Variants in WDR35 observed in about 807,000 individuals in gnomAD.
WDR35 encodes WD repeat domain 35.
A neutral mutation model predicts 158.3 loss-of-function variants in WDR35; 118 were observed. The observed-to-expected ratio is 0.75, with a 90% CI of 0.64 to 0.87. The LOEUF (loss-of-function observed/expected upper bound fraction) is 0.87, where lower values mean the gene tolerates loss of function less well. Among genes scored for constraint, WDR35 ranks in the 40% least tolerant of loss-of-function variants. The probability of loss-of-function intolerance (pLI) is 0.00; values close to 1 mark genes in which losing one functional copy is unlikely to be tolerated. For missense variants in WDR35, 1,263 were observed against 1,405.8 expected, an observed-to-expected ratio of 0.90 and a Z score of 1.62; for synonymous variants, 448 against 476.1, an observed-to-expected ratio of 0.94 and a Z score of 0.77.
At chr2:19,919,468 C>T (rs904258257) in intron 25 of WDR35, among the ~76,000 whole-genome samples, 2 of 151,302 alleles carry the variant, frequency 1.3e-5, no homozygotes, top group African/African-American at 4.9e-5. Flanking sequence ...ACTGAACAAC[C>T]TTCTCCTGAA....
chr2:19,948,705 A>G (rs752020507), intron 13 of WDR35, among the ~76,000 whole-genome samples: 5 of 152,226 alleles, frequency 3.3e-5, no homozygotes, highest in Non-Finnish European at 7.3e-5. Flanking sequence ...GACATACTAT[A>G]TGATTCTATC....
intron 10 of WDR35, chr2:19,962,384 A>G (rs1671691441): frequency 6.3e-7 from 1 of 1,577,884 alleles, no homozygotes; most frequent in South Asian, 1.1e-5. Flanking sequence ...TTAACTCAAA[A>G]AAGACATGAC....
intron 8 of WDR35, among the ~76,000 whole-genome samples, chr2:19,972,415 T>C (rs1672059659): frequency 6.6e-6 from 1 of 151,980 alleles, no homozygotes; most frequent in South Asian, 2.1e-4. Context: ...CTAACAAAAA[T>C]AAGCAGATAA....
chr2:19,981,526 T>TG (rs1172350993), intron 3 of WDR35, among the ~76,000 whole-genome samples: 1 of 152,140 alleles, frequency 6.6e-6, no homozygotes, highest in African/African-American at 2.4e-5. Flanking sequence ...CTTTAGTCTT[T>TG]TTTTTTCTTG....
In WDR35 at chr2:19,912,574, A is replaced by G. The variant is rs1057295420; in HGVS notation, c.*984T>C. ...TTGCGTATCTCTATGTATTGCCTCTACTATATGTAAGCCAAACCTCAATAA... is the reference window on the plus strand; with the variant it reads ...TTGCGTATCTCTATGTATTGCCTCTGCTATATGTAAGCCAAACCTCAATAA... On this transcript the variant is annotated 3_prime_UTR_variant, in exon 27 of 27. Transcript: ENST00000281405. 7 of 152,236 alleles carry G rather than the reference A, an allele frequency of 4.6e-5. No homozygotes were observed. Among genetic ancestry groups the G allele is most frequent in the Non-Finnish European group, 1.0e-4 (7 of 68,048 alleles). The allele number at this position is 152,236 out of a possible 1,614,324, so 9.4% of individuals were successfully genotyped here.
rs116018163 is a variant in WDR35, at chr2:19,948,405, T to C, written c.1471-188A>G. Among the ~76,000 whole-genome samples the C allele has an allele frequency of 3.2e-3, 483 of 152,298 alleles. 2 individuals are homozygous for C. The highest frequency in any genetic ancestry group is 0.011 in the African/African-American group (448 of 41,552). On this transcript the variant is annotated intron_variant, in intron 13 of 26. Transcript: ENST00000281405. Reference sequence around the variant, plus strand: ...TAGAGATACTCAGATGAAATCTTCATCTTCAGAGATTACTGAAAAGTCTAT... The same window carrying C: ...TAGAGATACTCAGATGAAATCTTCACCTTCAGAGATTACTGAAAAGTCTAT...
At chr2:19,960,477 T>A (rs1558346454) in intron 11 of WDR35, 77 bp downstream of exon 11, 3 of 1,159,588 alleles carry the variant, frequency 2.6e-6, no homozygotes, top group Non-Finnish European at 3.8e-6. Context: ...TAATTAATAA[T>A]ACCAGTGTTA....
chr2:19,979,431 C>A (rs1672314467), intron 4 of WDR35, among the ~76,000 whole-genome samples: 1 of 152,154 alleles, frequency 6.6e-6, no homozygotes, highest in Non-Finnish European at 1.5e-5. Context: ...TGAAAAAATT[C>A]TAATCAGTTT....
At chr2:19,948,275 G>T in intron 13 of WDR35, 58 bp from the exon 14 acceptor site, 1 of 1,463,910 alleles carries the variant, frequency 6.8e-7, no homozygotes, top group Non-Finnish European at 9.5e-7. Flanking sequence ...TAACTAACCT[G>T]GTACAACGTA....
intron 5 of WDR35, among the ~76,000 whole-genome samples, chr2:19,976,932 A>C (rs539004502): frequency 2.0e-5 from 3 of 150,928 alleles, no homozygotes; most frequent in Admixed American, 6.6e-5. Context: ...CAATCCTCCC[A>C]CTTTGGCCTC....
chr2:19,966,320 T>C (rs1261084574), intron 10 of WDR35, among the ~76,000 whole-genome samples: 2 of 152,192 alleles, frequency 1.3e-5, no homozygotes, highest in African/African-American at 4.8e-5. Context: ...AACTCCAAAG[T>C]AGATTTCTCA....
chr2:19,960,428 T>C lies in WDR35; in HGVS notation c.1255+126A>G, dbSNP rs1671603260. 4 of 741,496 alleles carry C rather than the reference T, an allele frequency of 5.4e-6. No individual in the cohort carries two copies. In the Admixed American group the frequency reaches 7.2e-5, roughly 13 times the overall value. The allele number at this position is 741,496 out of a possible 1,614,324, so 45.9% of individuals were successfully genotyped here. A position where few individuals can be genotyped will look rare whatever the true frequency, so the allele number is the denominator to read the frequency against. ...TAAACTGGTACTGGATCTGACAAAG[T>C]AGGAAGTATGGTCATCCTCGTTTTA... On this transcript the variant is annotated intron_variant, in intron 11 of 26. Coordinates refer to ENST00000281405, the MANE Select transcript of WDR35 (RefSeq NM_020779.4).
At chr2:19,949,826 G>A (rs902930713) in intron 13 of WDR35, among the ~76,000 whole-genome samples, 3 of 152,140 alleles carry the variant, frequency 2.0e-5, no homozygotes, top group Non-Finnish European at 4.4e-5. Flanking sequence ...ATTAGACGTG[G>A]AAAGCAAGAG....
intron 14 of WDR35, among the ~76,000 whole-genome samples, chr2:19,947,922 G>A (rs1354144629): frequency 2.6e-5 from 4 of 151,936 alleles, no homozygotes; most frequent in Non-Finnish European, 5.9e-5. Flanking sequence ...CTTATATTAA[G>A]GGTACAGTAA....
rs984174641 is a variant in WDR35, at chr2:19,910,779, T to C, written c.*2779A>G. 6.6e-6 allele frequency: 1 copy of C among 152,160 alleles called. No individual in the cohort carries two copies. The allele number at this position is 152,160 out of a possible 1,614,324, so 9.4% of individuals were successfully genotyped here. A position where few individuals can be genotyped will look rare whatever the true frequency, so the allele number is the denominator to read the frequency against. ...TTCATGTCGAATAAAACCAACTAGA[T>C]TGACTCATAATATAGGTGTTTTCTC... On this transcript the variant is annotated 3_prime_UTR_variant, in exon 27 of 27. Coordinates refer to ENST00000281405, the MANE Select transcript of WDR35 (RefSeq NM_020779.4).
chr2:19,915,209 C>T (rs1215225180), intron 25 of WDR35, among the ~76,000 whole-genome samples: 1 of 151,960 alleles, frequency 6.6e-6, no homozygotes, highest in East Asian at 1.9e-4. Flanking sequence ...ATATCAAAAA[C>T]TTCATAAAAC....
At chr2:19,930,611 C>A in intron 24 of WDR35, 59 bp from the exon 25 acceptor site, 2 of 1,607,944 alleles carry the variant, frequency 1.2e-6, no homozygotes, top group Non-Finnish European at 1.7e-6. Flanking sequence ...AGTGTCAACT[C>A]CCAAATAACA....
At chr2:19,952,926 T>C (rs766135292) in intron 12 of WDR35, among the ~76,000 whole-genome samples, 43 of 151,948 alleles carry the variant, frequency 2.8e-4, no homozygotes, top group Non-Finnish European at 4.9e-4. Flanking sequence ...CAACATACTT[T>C]TACTGAGGAT....
In WDR35 at chr2:19,953,844, CTTCTT is replaced by C. The variant is rs1558342424; in HGVS notation, c.1385_1389del (p.Lys462ArgfsTer9). The C allele has an allele frequency of 6.2e-7, 1 of 1,614,062 alleles. No individual in the cohort carries two copies. The highest frequency in any genetic ancestry group is 1.1e-5 in the South Asian group (1 of 91,080). The stretch of plus-strand genomic sequence containing the variant: ...TATCAAAAGATATACCTTTCTCTCC[CTTCTT>C]TTCGAGACCGTGTGATCTGATTAAT... On this transcript the variant is annotated frameshift_variant, in exon 12 of 27. Transcript: ENST00000281405. LOFTEE classifies it high-confidence loss of function.
Sources: gnomAD v4.1 joint callset for allele counts (sites outside exome capture counted in the v4.1 genomes callset) on GRCh38, gnomAD v4.1.1 for gene constraint, MANE v1.5 for transcripts, NCBI Gene and HGNC (gene_info 2026-07-23, HGNC 2026-07-21) for gene names.